The following LRRC15 variants were observed in gnomAD, a reference collection of about 807,000 sequenced individuals.
LRRC15 encodes leucine-rich repeat-containing protein 15.
Under a neutral mutation model 4.3 loss-of-function variants are expected in LRRC15, and 5 were observed. The observed-to-expected ratio is 1.16, with a 90% CI of 0.61 to 2.44. The LOEUF is 2.44. Ranked by LOEUF, LRRC15 falls within the 30% of genes most tolerant of loss-of-function variation. The probability of loss-of-function intolerance (pLI) is 0.01; values close to 1 mark genes in which losing one functional copy is unlikely to be tolerated. For synonymous variants in LRRC15, 337 were observed against 323.2 expected (o/e 1.04, Z -0.46); for missense variants, 769 against 747.0 (o/e 1.03, Z -0.34).
chr3:194,359,441 C>T lies in LRRC15; in HGVS notation c.1603G>A (p.Ala535Thr), dbSNP rs780088793. The T allele has an allele frequency of 3.1e-6, 5 of 1,614,258 alleles. No individual in the cohort carries two copies. The highest frequency in any genetic ancestry group is 4.2e-6 in the Non-Finnish European group (5 of 1,180,042). ...DDRSVWGMTQ[A>T]QSGLAIAAIV... ...GCGGCAATGGCCAGCCCGCTCTGGG[C>T]CTGGGTCATGCCCCAAACGCTGCGG... The change falls in exon 2 of 2, where the codon GCC becomes ACC. Residue 535 changes from alanine to threonine, a missense_variant. Physicochemically the swap from Ala to Thr is moderately conservative, Grantham distance 58 (BLOSUM62 0). Coordinates refer to ENST00000347624, the MANE Select transcript of LRRC15 (RefSeq NM_130830.5).
intron 1 of LRRC15, among the ~76,000 whole-genome samples, chr3:194,368,875 G>A (rs1448845050): frequency 1.3e-5 from 2 of 152,170 alleles, no homozygotes; most frequent in Admixed American, 6.5e-5. Flanking sequence ...AGGTGCAGCC[G>A]TCACAATTTC....
intron 1 of LRRC15, among the ~76,000 whole-genome samples, chr3:194,362,132 GTGTGTA>G (rs1331396873): frequency 6.6e-5 from 10 of 151,542 alleles, no homozygotes; most frequent in African/African-American, 2.2e-4. Flanking sequence ...ATAACTGTGT[GTGTGTA>G]TGTGTGTGTG....
Position 194,360,617 on chromosome 3 carries a change from C to A in LRRC15, c.427G>T (p.Ala143Ser). ...SSNQLLQIQP[A>S]HFSQCSNLKE... ...AGGTTGCTGCACTGGGAGAAGTGGGCCGGCTGGATCTGCAACAGCTGGTTA... is the reference window on the plus strand; with the variant it reads ...AGGTTGCTGCACTGGGAGAAGTGGGACGGCTGGATCTGCAACAGCTGGTTA... Residue 143 changes from alanine (A) to serine (S), a missense_variant, in exon 2 of 2, where the codon GCC (alanine) becomes TCC (serine). By Grantham distance (99) the Ala-to-Ser change is moderately conservative. Transcript: ENST00000347624. 1 of 1,614,128 alleles carries A rather than the reference C, an allele frequency of 6.2e-7. No individual in the cohort carries two copies. Among genetic ancestry groups the A allele is most frequent in the East Asian group, 2.2e-5 (1 of 44,890 alleles).
chr3:194,364,036 T>G (rs914646052), intron 1 of LRRC15, among the ~76,000 whole-genome samples: 6 of 151,976 alleles, frequency 3.9e-5, no homozygotes, highest in Non-Finnish European at 8.8e-5. Context: ...ACACTGAAAA[T>G]GGGCAACCTC....
chr3:194,366,641 C>T (rs551484652), intron 1 of LRRC15, among the ~76,000 whole-genome samples: 4 of 152,266 alleles, frequency 2.6e-5, no homozygotes, highest in Non-Finnish European at 4.4e-5. Context: ...CATCCCTCTA[C>T]CAATATTTCT....
At chr3:194,366,831 C>T (rs1713793870) in intron 1 of LRRC15, among the ~76,000 whole-genome samples, 1 of 39,204 alleles carries the variant, frequency 2.6e-5, no homozygotes, top group African/African-American at 3.1e-4. Context: ...TGAGGGGGTC[C>T]CCAGGGAGCA....
Position 194,360,917 on chromosome 3 carries a change from G to T in LRRC15, c.127C>A (p.Arg43Ser). 2 of 1,599,820 alleles carry T rather than the reference G, an allele frequency of 1.3e-6. No homozygotes were observed. Among genetic ancestry groups the T allele is most frequent in the Non-Finnish European group, 8.5e-7 (1 of 1,173,670 alleles). Residue 43 changes from arginine (R) to serine (S), a missense_variant, in exon 2 of 2, where the codon CGC becomes AGC. Transcript: ENST00000347624. ...RASQVECTGARIVAVPTPLPW... is the reference protein window; with the variant it reads ...RASQVECTGASIVAVPTPLPW... Reference sequence around the variant, plus strand: ...AGAGGGGTGGGCACTGCCACAATGCGTGCCCCGGTGCACTCCACCTGGGAG... The same window carrying T: ...AGAGGGGTGGGCACTGCCACAATGCTTGCCCCGGTGCACTCCACCTGGGAG...
chr3:194,361,057 G>A lies in LRRC15; in HGVS notation c.-3-11C>T, dbSNP rs1382928942. The A allele has an allele frequency of 6.7e-7, 1 of 1,495,794 alleles. No individual in the cohort carries two copies. Among genetic ancestry groups the A allele is most frequent in the Non-Finnish European group, 8.9e-7 (1 of 1,129,464 alleles). The allele number at this position is 1,495,794 out of a possible 1,614,324, so 92.7% of individuals were successfully genotyped here. ...CTTCAGTGGCATAGCCTGTGCAAGGGGAGAGAGCACACGTTAGTCAGGGTC... is the reference window on the plus strand; with the variant it reads ...CTTCAGTGGCATAGCCTGTGCAAGGAGAGAGAGCACACGTTAGTCAGGGTC... On this transcript the variant is annotated splice_polypyrimidine_tract_variant and intron_variant, in intron 1 of 1. Coordinates refer to ENST00000347624, the MANE Select transcript of LRRC15 (RefSeq NM_130830.5).
chr3:194,359,496 A>G lies in LRRC15; in HGVS notation c.1548T>C (p.Thr516=), dbSNP rs1344066826. Residue 516 remains threonine (T), a synonymous_variant, in exon 2 of 2, where the codon ACT becomes ACC. Transcript: ENST00000347624. The part of the protein sequence containing the change: ...TELTSPVEDY[T]DLTTIQVTDD... ...CAGTGACCTGAATGGTAGTCAGATC[A>G]GTGTAGTCTTCCACAGGGCTGGTTA... 5 of 1,614,256 alleles carry G rather than the reference A, an allele frequency of 3.1e-6. No individual in the cohort carries two copies. Among genetic ancestry groups the G allele is most frequent in the Non-Finnish European group, 4.2e-6 (5 of 1,180,048 alleles).
At chr3:194,361,137 G>T (rs1713618393) in intron 1 of LRRC15, 91 bp from the exon 2 acceptor site, 6 of 1,175,302 alleles carry the variant, frequency 5.1e-6, no homozygotes, top group African/African-American at 1.5e-5. Flanking sequence ...GCCAATGCTG[G>T]CTTGGCTTTG....
chr3:194,367,594 C>A (rs561019775), intron 1 of LRRC15, among the ~76,000 whole-genome samples: 1 of 152,370 alleles, frequency 6.6e-6, no homozygotes, highest in African/African-American at 2.4e-5. Context: ...GCGTGAGCCA[C>A]CGCGCCCGGC....
intron 1 of LRRC15, among the ~76,000 whole-genome samples, chr3:194,362,558 C>T (rs994440941): frequency 1.3e-5 from 2 of 152,136 alleles, no homozygotes; most frequent in Admixed American, 6.5e-5. Context: ...CAATCACTGC[C>T]GGTCACTCAT....
At chr3:194,362,240 T>G (rs963522495) in intron 1 of LRRC15, among the ~76,000 whole-genome samples, 2 of 152,086 alleles carry the variant, frequency 1.3e-5, no homozygotes, top group Non-Finnish European at 2.9e-5. Context: ...GCATGAAGCT[T>G]GAGGCCTGCA....
In LRRC15 at chr3:194,360,958, C is replaced by A. The variant is rs762382030; in HGVS notation, c.86G>T (p.Cys29Phe). ...GLAYHGCPSE[C>F]TCSRASQVEC... is the part of the protein sequence containing the mutation. Reference sequence around the variant, plus strand: ...CACCTGGGAGGCCCTGGAGCAGGTACACTCGCTAGGGCAGCCATGGTAGGC... The same window carrying A: ...CACCTGGGAGGCCCTGGAGCAGGTAAACTCGCTAGGGCAGCCATGGTAGGC... Residue 29 changes from cysteine (C) to phenylalanine (F), a missense_variant, in exon 2 of 2, where the codon TGT (cysteine) becomes TTT (phenylalanine). By Grantham distance (205) the Cys-to-Phe change is radical. Coordinates refer to ENST00000347624, the MANE Select transcript of LRRC15 (RefSeq NM_130830.5). 7 of 1,582,418 alleles carry A rather than the reference C, an allele frequency of 4.4e-6. No individual in the cohort carries two copies. In the South Asian group the frequency reaches 8.0e-5, roughly 18 times the overall value.
intron 1 of LRRC15, among the ~76,000 whole-genome samples, chr3:194,362,007 C>G (rs963703884): frequency 5.9e-5 from 9 of 152,148 alleles, no homozygotes; most frequent in African/African-American, 2.2e-4. Flanking sequence ...TCCAGGAAAC[C>G]TACTGAGATG....
Position 194,356,408 on chromosome 3 carries a change from C to T in LRRC15, c.*2890G>A, listed in dbSNP as rs147944929. The stretch of plus-strand genomic sequence containing the variant: ...CACTCCAGCTTTCTGGGGGACCAGC[C>T]GGCTCATTCCAGCCCTGAGAATTGA... On this transcript the variant is annotated 3_prime_UTR_variant, in exon 2 of 2. Transcript: ENST00000347624. 26 of 152,326 alleles carry T rather than the reference C, an allele frequency of 1.7e-4. 1 individual carries two copies. The highest frequency in any genetic ancestry group is 6.0e-4 in the African/African-American group (25 of 41,552). 9.4% of individuals were successfully genotyped at this position (152,326 alleles called of 1,614,324 possible).
chr3:194,368,686 T>C (rs1713851713), intron 1 of LRRC15, among the ~76,000 whole-genome samples: 1 of 152,034 alleles, frequency 6.6e-6, no homozygotes, highest in Non-Finnish European at 1.5e-5. Flanking sequence ...CACCTGCGAC[T>C]GGAGCACACG....
At chr3:194,367,109 A>C (rs1271191917) in intron 1 of LRRC15, among the ~76,000 whole-genome samples, 1 of 152,114 alleles carries the variant, frequency 6.6e-6, no homozygotes, top group Admixed American at 6.6e-5. Context: ...GCATGGGTTC[A>C]GGGATTTCTT....
chr3:194,365,914 G>T (rs1255154919), intron 1 of LRRC15, among the ~76,000 whole-genome samples: 1 of 152,226 alleles, frequency 6.6e-6, no homozygotes, highest in Non-Finnish European at 1.5e-5. Context: ...CACTCCCAGT[G>T]CACCTGGGGA....
Sources: allele counts gnomAD v4.1 joint callset (sites outside exome capture counted in the v4.1 genomes callset), GRCh38; gene constraint gnomAD v4.1.1; transcripts MANE v1.5; gene names NCBI Gene and HGNC (gene_info 2026-07-23, HGNC 2026-07-21).